Variants in ABCA9 observed in about 807,000 individuals in gnomAD.
The protein encoded by ABCA9 is ATP-binding cassette sub-family A member 9.
Under a neutral mutation model 205.3 loss-of-function variants are expected in ABCA9, and 183 were observed. The ratio of observed to expected loss-of-function variants is 0.89; its 90% CI spans 0.79 to 1.01. ABCA9 has a LOEUF of 1.01. Among genes scored for constraint, ABCA9 ranks in the 50% least tolerant of loss-of-function variants. ABCA9 has a pLI of 0.00. For missense variants in ABCA9, 1,805 were observed against 1,912.4 expected, an observed-to-expected ratio of 0.94 and a Z score of 1.05; for synonymous variants, 651 against 683.3, an observed-to-expected ratio of 0.95 and a Z score of 0.74.
Position 68,986,320 on chromosome 17 carries a change from A to C in ABCA9, c.4052T>G (p.Ile1351Ser). 1 of 1,606,766 alleles carries C rather than the reference A, an allele frequency of 6.2e-7. No homozygotes were observed. The highest frequency in any genetic ancestry group is 8.5e-7 in the Non-Finnish European group (1 of 1,177,078). Reference protein sequence around the residue: ...GDTKPTAGQVILKGSGGGEPL... With the variant: ...GDTKPTAGQVSLKGSGGGEPL... Reference sequence around the variant, plus strand: ...TTCCCCTCCACCGCTCCCTTTCAAAATCACCTATGCAAAATAAGTTCATTC... The same window carrying C: ...TTCCCCTCCACCGCTCCCTTTCAAACTCACCTATGCAAAATAAGTTCATTC... The change falls in exon 32 of 39, where the codon ATT (isoleucine) becomes AGT (serine). Residue 1351 changes from isoleucine to serine, a missense_variant. Ile to Ser is a moderately radical substitution (Grantham distance 142). Coordinates refer to ENST00000340001, the MANE Select transcript of ABCA9 (RefSeq NM_080283.4).
intron 12 of ABCA9, 38 bp from the exon 13 acceptor site, chr17:69,027,853 G>C (rs780929979): frequency 6.7e-7 from 1 of 1,482,968 alleles, no homozygotes; most frequent in Admixed American, 2.1e-5. Context: ...TCAGGAAAAT[G>C]TGTCATGCTT....
chr17:69,010,504 TGAGG>T (rs1277110414), intron 23 of ABCA9, among the ~76,000 whole-genome samples: 1 of 151,686 alleles, frequency 6.6e-6, no homozygotes, highest in Non-Finnish European at 1.5e-5. Flanking sequence ...AAGAGACAAA[TGAGG>T]GAGGGAGGGC....
At chr17:69,063,617 T>TG (rs1436879321), upstream of ABCA9, among the ~76,000 whole-genome samples, 2 of 151,548 alleles carry the variant, frequency 1.3e-5, no homozygotes, top group Admixed American at 6.6e-5. Context: ...TTGTTTTTTT[T>TG]TGTGTGTGTG....
chr17:68,976,071 T>A, intron 38 of ABCA9, 58 bp from the exon 39 acceptor site: 6 of 1,602,982 alleles, frequency 3.7e-6, no homozygotes, highest in Non-Finnish European at 5.1e-6. Flanking sequence ...CTCCTGCAGC[T>A]CCAGGCGAAT....
At position 69,016,408 on chromosome 17, in the gene ABCA9, C is replaced by T; in HGVS notation, c.2902-18G>A. 1 of 1,558,910 alleles carries T rather than the reference C, an allele frequency of 6.4e-7. No individual in the cohort carries two copies. The highest frequency in any genetic ancestry group is 2.4e-5 in the East Asian group (1 of 41,956). On this transcript the variant is annotated intron_variant, in intron 21 of 38. Coordinates refer to ENST00000340001, the MANE Select transcript of ABCA9 (RefSeq NM_080283.4). ...CTGTGATCCTGAAATACAACAAGTA[C>T]CAATTCGAAGTCTTCATAAAGCAAA...
intron 24 of ABCA9, 22 bp downstream of exon 24, chr17:69,008,040 T>C (rs2070215067): frequency 6.3e-7 from 1 of 1,584,164 alleles, no homozygotes; most frequent in Non-Finnish European, 8.6e-7. Context: ...AATAAAACCA[T>C]TTCAAAATTG....
At chr17:69,010,071 G>T (rs1283922931) in intron 23 of ABCA9, among the ~76,000 whole-genome samples, 3 of 151,624 alleles carry the variant, frequency 2.0e-5, no homozygotes, top group Admixed American at 1.3e-4. Flanking sequence ...AATGAAAGGT[G>T]ATCCATTATT....
At chr17:69,017,551 ATTTG>A in intron 21 of ABCA9, 101 bp downstream of exon 21, 2 of 1,293,166 alleles carry the variant, frequency 1.5e-6, no homozygotes, top group Middle Eastern at 1.9e-4. Flanking sequence ...GAACTATCCC[ATTTG>A]TTTGTGTGAA....
chr17:69,018,416 T>C lies in ABCA9; in HGVS notation c.2764A>G (p.Thr922Ala). Reference protein sequence around the residue: ...PLTHLLVINKTGSTIDNFLHS... With the variant: ...PLTHLLVINKAGSTIDNFLHS... ...TGCATTTCAGCCCCATGTTCACCTG[T>C]CTTATTGATGACCAGTAAATGGGTC... The change falls in exon 20 of 39, where the codon ACA becomes GCA. Residue 922 changes from threonine (T) to alanine (A), a missense_variant. By Grantham distance (58) the Thr-to-Ala change is moderately conservative (BLOSUM62 0). Transcript: ENST00000340001. The C allele has an allele frequency of 6.4e-7, 1 of 1,566,576 alleles. No individual in the cohort carries two copies. Among genetic ancestry groups the C allele is most frequent in the East Asian group, 2.3e-5 (1 of 43,374 alleles).
At chr17:69,065,899 T>G (rs145901564), upstream of ABCA9, among the ~76,000 whole-genome samples, 306 of 152,258 alleles carry the variant, frequency 2.0e-3, 2 homozygotes, top group African/African-American at 7.0e-3. Context: ...TCTGATGGTT[T>G]TATAAGGGGC....
intron 5 of ABCA9, 80 bp downstream of exon 5, chr17:69,044,417 T>C (rs1472817072): frequency 3.3e-6 from 4 of 1,196,138 alleles, no homozygotes; most frequent in East Asian, 2.5e-5. Flanking sequence ...GAATAAATGA[T>C]AGAATAGGAT....
At chr17:69,066,036 T>A in the ABCA9 span, among the ~76,000 whole-genome samples, 2 of 152,190 alleles carry the variant, frequency 1.3e-5, no homozygotes, top group African/African-American at 2.4e-5. Flanking sequence ...TGTGAATCAA[T>A]TAAACCTCTT....
chr17:69,014,251 C>G (rs963791313), intron 22 of ABCA9, among the ~76,000 whole-genome samples: 1 of 152,110 alleles, frequency 6.6e-6, no homozygotes, highest in African/African-American at 2.4e-5. Context: ...AAATTCCATA[C>G]CTGACCTCAT....
chr17:69,043,377 G>A (rs2071609713), intron 6 of ABCA9, 112 bp downstream of exon 6: 1 of 779,568 alleles, frequency 1.3e-6, no homozygotes, highest in Non-Finnish European at 2.0e-6. Flanking sequence ...ACTGGCCATG[G>A]ACCAGTAGCA....
At chr17:68,987,514 G>A (rs1348512587) in intron 31 of ABCA9, among the ~76,000 whole-genome samples, 1 of 152,100 alleles carries the variant, frequency 6.6e-6, no homozygotes, top group Admixed American at 6.6e-5. Flanking sequence ...ATTTTTAAGC[G>A]ATGAGAAGGA....
intron 22 of ABCA9, among the ~76,000 whole-genome samples, chr17:69,014,284 T>C (rs1004530198): frequency 1.3e-5 from 2 of 152,104 alleles, no homozygotes; most frequent in African/African-American, 2.4e-5. Flanking sequence ...ATTCAAAACA[T>C]AGGCACACAA....
chr17:69,043,029 AC>A (rs969890447), intron 6 of ABCA9: 3 of 169,878 alleles, frequency 1.8e-5, no homozygotes, highest in Non-Finnish European at 3.7e-5. Context: ...ATCAGTAGGA[AC>A]CCTGAGCTTG....
At chr17:69,043,403 C>T (rs2071610770) in intron 6 of ABCA9, 86 bp downstream of exon 6, 5 of 1,159,680 alleles carry the variant, frequency 4.3e-6, no homozygotes, top group Non-Finnish European at 6.1e-6. Context: ...TGGCCTGGGG[C>T]TTGGGGACCC....
chr17:69,021,678 G>GTCCT (rs113625589), intron 18 of ABCA9, 64 bp downstream of exon 18: 42,592 of 1,048,038 alleles, frequency 0.041, 3,061 homozygotes, highest in African/African-American at 0.29. Flanking sequence ...TCTTTCTTTC[G>GTCCT]TCCTTCCTTC....
Sources: allele counts gnomAD v4.1 joint callset (sites outside exome capture counted in the v4.1 genomes callset), GRCh38; gene constraint gnomAD v4.1.1; transcripts MANE v1.5; gene names NCBI Gene and HGNC (gene_info 2026-07-23, HGNC 2026-07-21).